ZNF185: variants seen among roughly 807,000 people sequenced by gnomAD.
ZNF185 encodes zinc finger protein 185.
Under a neutral mutation model 58.6 loss-of-function variants are expected in ZNF185, and 56 were observed. The observed-to-expected ratio is 0.95, with a 90% CI of 0.77 to 1.19. The LOEUF (loss-of-function observed/expected upper bound fraction) is 1.19. Among genes scored for constraint, ZNF185 ranks in the 50% most tolerant of loss-of-function variants. ZNF185 has a pLI of 0.00. For synonymous variants in ZNF185, 230 were observed against 215.9 expected (o/e 1.07, Z -0.57); for missense variants, 627 against 573.5 (o/e 1.09, Z -0.95).
At chrX:152,904,877 C>T in the ZNF185 span, among the ~76,000 whole-genome samples, 6 of 112,273 alleles carry the variant, frequency 5.3e-5, no homozygotes, top group Middle Eastern at 4.2e-3. Context: ...CTTCCTCACA[C>T]GACCAGGTGC....
intron 16 of ZNF185, among the ~76,000 whole-genome samples, chrX:152,945,898 GC>G (rs1209127355): frequency 3.6e-5 from 4 of 112,100 alleles, no homozygotes; most frequent in Non-Finnish European, 7.5e-5. Flanking sequence ...ACAGAGTGAA[GC>G]AGAGAGAGAG....
chrX:152,968,984 C>T (rs1457857593), intron 20 of ZNF185, among the ~76,000 whole-genome samples: 3 of 111,454 alleles, frequency 2.7e-5, no homozygotes, highest in Admixed American at 9.5e-5. Flanking sequence ...GCCATCAAGA[C>T]GGGGCCAGGC....
At chrX:152,922,053 C>CT in intron 9 of ZNF185, 120 bp from the exon 11 acceptor site, 1 of 736,117 alleles carries the variant, frequency 1.4e-6, no homozygotes, top group East Asian at 3.5e-5. Context: ...TGGGCCACCT[C>CT]TTGGCCGTGA....
intron 17 of ZNF185, among the ~76,000 whole-genome samples, chrX:152,961,500 A>T (rs2049467845): frequency 9.0e-6 from 1 of 110,979 alleles, no homozygotes; most frequent in African/African-American, 3.3e-5. Context: ...GTCTTTTGAG[A>T]GCTCCCTTTG....
At chrX:152,973,105 C>CA (rs2050741506) in exon 23 of ZNF185, 1 of 111,603 alleles carries the variant, frequency 9.0e-6, no homozygotes, top group African/African-American at 3.3e-5. Context: ...CACAGGCACT[C>CA]AATGAATGAG....
At chrX:152,960,669 TGA>T (rs1193294995) in intron 17 of ZNF185, among the ~76,000 whole-genome samples, 2 of 112,508 alleles carry the variant, frequency 1.8e-5, no homozygotes, top group African/African-American at 6.5e-5. Flanking sequence ...TGAAAATAAT[TGA>T]GTTTTGAAAA....
At chrX:152,940,668 G>T (rs1206952793) in intron 15 of ZNF185, among the ~76,000 whole-genome samples, 1 of 112,105 alleles carries the variant, frequency 8.9e-6, no homozygotes, top group East Asian at 2.8e-4. Context: ...TAGACTCTCA[G>T]ATCAGAAAAA....
intron 16 of ZNF185, 87 bp from the exon 19 acceptor site, chrX:152,959,612 C>T: frequency 2.9e-6 from 3 of 1,029,956 alleles, no homozygotes; most frequent in East Asian, 3.3e-5. Flanking sequence ...TCCAAGTCCA[C>T]GAGACATGAC....
At chrX:152,941,065 T>C (rs1272847891) in intron 15 of ZNF185, among the ~76,000 whole-genome samples, 1 of 112,548 alleles carries the variant, frequency 8.9e-6, no homozygotes, top group African/African-American at 3.2e-5. Flanking sequence ...CTTAGAATTT[T>C]ATTTTTGGTT....
chrX:152,968,144 TCTC>T (rs1471746383), intron 20 of ZNF185, among the ~76,000 whole-genome samples: 1 of 112,109 alleles, frequency 8.9e-6, no homozygotes, highest in Non-Finnish European at 1.9e-5. Flanking sequence ...GGCCAGGGAA[TCTC>T]CTCCACTATA....
At chrX:152,969,285 C>T in intron 20 of ZNF185, 97 bp from the exon 23 acceptor site, 1 of 708,522 alleles carries the variant, frequency 1.4e-6, no homozygotes, top group Non-Finnish European at 2.1e-6. Context: ...TGACAGCAAA[C>T]CTGGGCCTGG....
At chrX:152,955,566 C>T (rs2048735264) in intron 16 of ZNF185, among the ~76,000 whole-genome samples, 1 of 112,632 alleles carries the variant, frequency 8.9e-6, no homozygotes, top group Non-Finnish European at 1.9e-5. Context: ...GGTCCTAGTG[C>T]ATGAGCTCAG....
chrX:152,941,640 C>A, intron 15 of ZNF185: 2 of 1,149,471 alleles, frequency 1.7e-6, no homozygotes, highest in East Asian at 3.3e-5. Context: ...CTGCGTAGGC[C>A]GCCATTTCTT....
intron 14 of ZNF185, among the ~76,000 whole-genome samples, chrX:152,935,259 G>A (rs1463326361): frequency 2.0e-5 from 2 of 98,209 alleles, no homozygotes; most frequent in Non-Finnish European, 2.0e-5. Flanking sequence ...TTTTTGAGAC[G>A]GACTCTTGCT....
chrX:152,952,218 T>C lies in ZNF185; in HGVS notation c.1409+6754T>C, dbSNP rs1286729348. ...AAAGACACATAGGTGTCTATTAAAC[T>C]AACAATATTAAACTAGTTTTGTTTG... On this transcript the variant is annotated intron_variant, in intron 16 of 22. Transcript: ENST00000449285. Among the ~76,000 whole-genome samples, 7 of 112,406 alleles carry C rather than the reference T, an allele frequency of 6.2e-5. No homozygotes were observed. The East Asian group carries it at 1.4e-3, about 22-fold the overall frequency.
At chrX:152,904,798 C>T in the ZNF185 span, among the ~76,000 whole-genome samples, 1 of 112,079 alleles carries the variant, frequency 8.9e-6, no homozygotes, top group African/African-American at 3.2e-5. Context: ...GCCCCCTCCC[C>T]GGGAAGTATC....
At chrX:152,912,201 A>G (rs182039521), upstream of ZNF185, among the ~76,000 whole-genome samples, 1 of 112,512 alleles carries the variant, frequency 8.9e-6, no homozygotes, top group African/African-American at 3.2e-5. Flanking sequence ...GCGTGAGGGA[A>G]AGGAGCCCAT....
rs782231446 is a variant in ZNF185, at chrX:152,919,421, A to T, written c.530+340A>T. The stretch of plus-strand genomic sequence containing the variant: ...AGTTGAACAAAAATATTCAGGGAGA[A>T]GCCACCTGCACAGTGCCCTCTATCT... On this transcript the variant is annotated intron_variant, in intron 7 of 22. Transcript: ENST00000449285. Among the ~76,000 whole-genome samples the T allele has an allele frequency of 2.1e-4, 23 of 111,419 alleles. No individual in the cohort carries two copies. In the South Asian group the frequency reaches 5.4e-3, roughly 26 times the overall value.
chrX:152,966,191 G>GC (rs2050096419), intron 19 of ZNF185, among the ~76,000 whole-genome samples: 1 of 109,768 alleles, frequency 9.1e-6, no homozygotes, highest in Non-Finnish European at 1.9e-5. Context: ...TATTTTAGTA[G>GC]AGATGAAGTT....
Sources: allele counts gnomAD v4.1 joint callset (sites outside exome capture counted in the v4.1 genomes callset), GRCh38; gene constraint gnomAD v4.1.1; transcripts MANE v1.5; gene names NCBI Gene and HGNC (gene_info 2026-07-23, HGNC 2026-07-21).